IGF1R: variants seen among roughly 807,000 people sequenced by gnomAD.
The protein encoded by IGF1R is insulin-like growth factor 1 receptor.
IGF1R carries 44 observed loss-of-function variants against 144.6 expected under a neutral mutation model. That is an observed-to-expected ratio of 0.30 (90% confidence interval 0.24 to 0.39). IGF1R has a LOEUF of 0.39. Among genes scored for constraint, IGF1R ranks in the 10% least tolerant of loss-of-function variants. The pLI, the probability that IGF1R is intolerant of heterozygous loss-of-function variation, is 1.00. For missense variants in IGF1R, 1,355 were observed against 1,833.7 expected (o/e 0.74, Z 4.77); for synonymous variants, 795 against 722.8 (o/e 1.10, Z -1.60).
At chr15:98,954,887 A>G (rs899128944) in intron 20 of IGF1R, among the ~76,000 whole-genome samples, 1 of 152,170 alleles carries the variant, frequency 6.6e-6, no homozygotes, top group Non-Finnish European at 1.5e-5. Flanking sequence ...TCCCTGTGAC[A>G]TCTGTGACTG....
chr15:98,836,190 T>C (rs1335124924), intron 2 of IGF1R, among the ~76,000 whole-genome samples: 4 of 149,274 alleles, frequency 2.7e-5, no homozygotes, highest in Admixed American at 6.6e-5. Flanking sequence ...TTTTTTTTTT[T>C]CTCTCTCTCT....
chr15:98,866,364 G>C (rs1215871540), intron 2 of IGF1R, among the ~76,000 whole-genome samples: 2 of 152,126 alleles, frequency 1.3e-5, no homozygotes, highest in Non-Finnish European at 2.9e-5. Flanking sequence ...GGTTCTCTTC[G>C]GTTTATTTTC....
At chr15:98,811,348 G>A (rs941226248) in intron 2 of IGF1R, among the ~76,000 whole-genome samples, 5 of 145,706 alleles carry the variant, frequency 3.4e-5, no homozygotes, top group African/African-American at 1.3e-4. Context: ...GTGAAACCCC[G>A]TCTCCACTAA....
intron 1 of IGF1R, among the ~76,000 whole-genome samples, chr15:98,694,118 A>G (rs967576094): frequency 6.6e-6 from 1 of 152,114 alleles, no homozygotes; most frequent in African/African-American, 2.4e-5. Flanking sequence ...CTTAATTGGC[A>G]TACTTTTATT....
chr15:98,964,401 T>C lies in IGF1R; in HGVS notation c.*6959T>C. The stretch of plus-strand genomic sequence containing the variant: ...TGTTATTGCGATATACTCTGGATTC[T>C]TTACATAATGGAAAAAAGAAACTGT... On this transcript the variant is annotated 3_prime_UTR_variant, in exon 21 of 21. Coordinates refer to ENST00000650285, the MANE Select transcript of IGF1R (RefSeq NM_000875.5). 4.3e-6 allele frequency: 1 copy of C among 230,290 alleles called. No homozygotes were observed. Among genetic ancestry groups the C allele is most frequent in the Non-Finnish European group, 8.6e-6 (1 of 116,030 alleles). 14.3% of individuals were successfully genotyped at this position (230,290 alleles called of 1,614,324 possible).
chr15:98,891,458 T>C lies in IGF1R; in HGVS notation c.774T>C (p.Gly258=), dbSNP rs768502173. 7 of 1,613,904 alleles carry C rather than the reference T, an allele frequency of 4.3e-6. No individual in the cohort carries two copies. The South Asian group carries it at 6.6e-5, about 15-fold the overall frequency. The change falls in exon 3 of 21, where the codon GGT becomes GGC. Residue 258 remains glycine (G), a synonymous_variant. Coordinates refer to ENST00000650285, the MANE Select transcript of IGF1R (RefSeq NM_000875.5). The surrounding 1 kb of genome is among the most constrained non-coding windows in gnomAD (Gnocchi z 4.7). ...CVACRHYYYA[G]VCVPACPPNT... ...CTTGCCGCCACTACTACTATGCCGG[T>C]GTCTGTGTGCCTGCCTGCCCGCCCA...
intron 6 of IGF1R, among the ~76,000 whole-genome samples, chr15:98,910,580 A>C (rs1350861946): frequency 1.3e-5 from 2 of 152,234 alleles, no homozygotes; most frequent in African/African-American, 4.8e-5. Flanking sequence ...GGCAGTCATC[A>C]GTCTTTCCCT....
At chr15:98,835,368 A>G (rs756359618) in intron 2 of IGF1R, among the ~76,000 whole-genome samples, 5 of 152,200 alleles carry the variant, frequency 3.3e-5, no homozygotes, top group African/African-American at 7.2e-5. Context: ...AAGTGGAAGC[A>G]CTCATCTTCT....
chr15:98,708,903 A>T (rs1041716350), intron 2 of IGF1R, among the ~76,000 whole-genome samples: 2 of 152,146 alleles, frequency 1.3e-5, no homozygotes, highest in African/African-American at 4.8e-5. Context: ...GGTATTTTGA[A>T]GCTTCTTGTA....
intron 2 of IGF1R, among the ~76,000 whole-genome samples, chr15:98,721,482 G>A (rs1335553530): frequency 1.3e-5 from 2 of 152,176 alleles, no homozygotes; most frequent in Non-Finnish European, 2.9e-5. Context: ...TGAGTGGTTT[G>A]GTCCTCATAG....
At chr15:98,679,418 C>T (rs2053131148) in intron 1 of IGF1R, among the ~76,000 whole-genome samples, 1 of 152,146 alleles carries the variant, frequency 6.6e-6, no homozygotes, top group African/African-American at 2.4e-5. Context: ...GAATTAATTG[C>T]CGTGCTCCAC....
At chr15:98,894,719 C>T (rs536465939) in intron 3 of IGF1R, among the ~76,000 whole-genome samples, 83 of 152,288 alleles carry the variant, frequency 5.5e-4, no homozygotes, top group Non-Finnish European at 1.0e-3. Flanking sequence ...GCCTGGCCAA[C>T]ATGGTGAAAC....
chr15:98,774,206 C>G (rs2055657732), intron 2 of IGF1R, among the ~76,000 whole-genome samples: 2 of 152,200 alleles, frequency 1.3e-5, no homozygotes. Context: ...AGTTCTCTCT[C>G]TCCTGTGCTT....
chr15:98,949,134 G>A (rs561224457), intron 20 of IGF1R, among the ~76,000 whole-genome samples: 4 of 152,304 alleles, frequency 2.6e-5, no homozygotes, highest in Non-Finnish European at 4.4e-5. Flanking sequence ...GGGAGCCGCC[G>A]CAGTGAGTGT....
At chr15:98,948,806 C>G (rs1193791825) in intron 20 of IGF1R, 98 bp downstream of exon 20, 2 of 1,412,986 alleles carry the variant, frequency 1.4e-6, no homozygotes, top group Admixed American at 1.7e-5. Flanking sequence ...GCCATTCTCT[C>G]TGGTCCTGCG....
chr15:98,707,986 G>A lies in IGF1R; in HGVS notation c.519G>A (p.Lys173=). ...AVSNNYIVGN[K]PPKECGDLCP... is the part of the protein sequence containing the mutation. ...CCAATAACTACATTGTGGGGAATAA[G>A]CCCCCAAAGGAATGTGGGGACCTGT... is the stretch of plus-strand genomic sequence containing the variant. The change falls in exon 2 of 21, where the codon AAG becomes AAA. Residue 173 remains lysine, a synonymous_variant. Transcript: ENST00000650285. The surrounding 1 kb of genome is among the most constrained non-coding windows in gnomAD (Gnocchi z 6.7). 2 of 1,614,154 alleles carry A rather than the reference G, an allele frequency of 1.2e-6. No homozygotes were observed. Among genetic ancestry groups the A allele is most frequent in the East Asian group, 2.2e-5 (1 of 44,890 alleles).
chr15:98,777,071 C>T (rs529583127), intron 2 of IGF1R, among the ~76,000 whole-genome samples: 32 of 152,246 alleles, frequency 2.1e-4, no homozygotes, highest in African/African-American at 3.4e-4. Context: ...AATCACTGGG[C>T]GCCAGGGAGG....
At chr15:98,714,284 C>G (rs953430614) in intron 2 of IGF1R, among the ~76,000 whole-genome samples, 2 of 152,150 alleles carry the variant, frequency 1.3e-5, no homozygotes, top group African/African-American at 4.8e-5. Context: ...CTCTCCTTCC[C>G]TCGTTTTCCT....
intron 2 of IGF1R, among the ~76,000 whole-genome samples, chr15:98,759,758 T>C (rs1302204603): frequency 6.6e-6 from 1 of 152,186 alleles, no homozygotes; most frequent in African/African-American, 2.4e-5. Context: ...GCTTAAGATA[T>C]CTATGTGTAT....
Sources: gnomAD v4.1 joint callset for allele counts (sites outside exome capture counted in the v4.1 genomes callset) on GRCh38, gnomAD v4.1.1 for gene constraint, Gnocchi (gnomAD v3.1) non-coding constraint, MANE v1.5 for transcripts, NCBI Gene and HGNC (gene_info 2026-07-23, HGNC 2026-07-21) for gene names.